SDR42E1: variants seen among roughly 807,000 people sequenced by gnomAD.
SDR42E1 encodes short chain dehydrogenase/reductase family 42E, member 1, also known as short-chain dehydrogenase/reductase family 42E member 1.
Under a neutral mutation model 2.6 loss-of-function variants are expected in SDR42E1, and 5 were observed. The ratio of observed to expected loss-of-function variants is 1.94; its 90% CI spans 1.01 to 4.08. The LOEUF (loss-of-function observed/expected upper bound fraction) is 4.08. Ranked by LOEUF, SDR42E1 falls within the 30% of genes most tolerant of loss-of-function variation. The pLI is 0.00. For missense variants in SDR42E1, 596 were observed against 478.6 expected (o/e 1.25, Z -2.29); for synonymous variants, 231 against 188.3 (o/e 1.23, Z -1.86).
intron 1 of SDR42E1, among the ~76,000 whole-genome samples, chr16:82,009,094 T>A (rs189682781): frequency 5.0e-4 from 76 of 152,180 alleles, no homozygotes; most frequent in African/African-American, 1.5e-3. Context: ...AGAACTGAGG[T>A]TTGGAAACCT....
intron 2 of SDR42E1, 144 bp from the exon 3 acceptor site, chr16:82,000,368 G>C: frequency 2.0e-6 from 2 of 998,718 alleles, no homozygotes; most frequent in Non-Finnish European, 3.1e-6. Context: ...ATGTTCCTTG[G>C]TGCAAGCCTC....
rs1415463755 is a variant in SDR42E1, at chr16:81,999,581, C to T, written c.712G>A (p.Ala238Thr). The T allele has an allele frequency of 5.6e-6, 9 of 1,614,086 alleles. No homozygotes were observed. The highest frequency in any genetic ancestry group is 1.7e-4 in the Middle Eastern group (1 of 6,028). Reference protein sequence around the residue: ...LVQAHILASEALRADKGHIAS... With the variant: ...LVQAHILASETLRADKGHIAS... ...ATATGGCCCTTGTCAGCTCTCAGGG[C>T]TTCTGAGGCCAGAATGTGAGCCTGC... The change falls in exon 3 of 3, where the codon GCC (alanine) becomes ACC (threonine). Residue 238 changes from alanine (A) to threonine (T), a missense_variant. Coordinates refer to ENST00000328945, the MANE Select transcript of SDR42E1 (RefSeq NM_145168.3).
intron 1 of SDR42E1, 135 bp from the exon 2 acceptor site, chr16:82,001,019 G>A (rs1327197312): frequency 3.5e-6 from 2 of 574,898 alleles, no homozygotes; most frequent in Non-Finnish European, 6.0e-6. Flanking sequence ...GGTCACAGCT[G>A]TGTCATTTAG....
At position 82,000,788 on chromosome 16, in the gene SDR42E1, T is replaced by C. The variant is rs758470949; in HGVS notation, c.68+3A>G. 16 of 1,608,052 alleles carry C rather than the reference T, an allele frequency of 9.9e-6. No homozygotes were observed. The highest frequency in any genetic ancestry group is 8.9e-5 in the East Asian group (4 of 44,846). ...CATGTGTATATTTTATAGATACACTTACCGAAAACCAAAATAGCCACTTCC... is the reference window on the plus strand; with the variant it reads ...CATGTGTATATTTTATAGATACACTCACCGAAAACCAAAATAGCCACTTCC... On this transcript the variant is annotated splice_donor_region_variant and intron_variant, in intron 2 of 2. Transcript: ENST00000328945.
At chr16:82,011,123 C>T (rs1372459976) in intron 1 of SDR42E1, among the ~76,000 whole-genome samples, 1 of 152,190 alleles carries the variant, frequency 6.6e-6, no homozygotes, top group Non-Finnish European at 1.5e-5. Context: ...AAGTTCGGAG[C>T]TTGGGGCCCC....
At chr16:82,000,345 C>A (rs1912716619) in intron 2 of SDR42E1, 121 bp from the exon 3 acceptor site, 1 of 1,240,014 alleles carries the variant, frequency 8.1e-7, no homozygotes, top group Non-Finnish European at 1.2e-6. Flanking sequence ...TCATCCTGAG[C>A]CCCTCACTAT....
In SDR42E1 at chr16:81,989,888, C is replaced by T. The variant is rs1912388622; in HGVS notation, c.*9223G>A. ...TGGCGGGCACCTGTAATCCCACCTA[C>T]TTGGGAGGCTGAGGCAGGAGAATTA... On this transcript the variant is annotated 3_prime_UTR_variant, in exon 3 of 3. Coordinates refer to ENST00000328945, the MANE Select transcript of SDR42E1 (RefSeq NM_145168.3). The T allele has an allele frequency of 6.6e-6, 1 of 152,272 alleles. No homozygotes were observed. Among genetic ancestry groups the T allele is most frequent in the Admixed American group, 6.5e-5 (1 of 15,282 alleles). The allele number at this position is 152,272 out of a possible 1,614,324, so 9.4% of individuals were successfully genotyped here.
At position 81,999,311 on chromosome 16, in the gene SDR42E1, C is replaced by G. The variant is rs766621451; in HGVS notation, c.982G>C (p.Glu328Gln). ...KTGVTHYFSL[E>Q]KAKKELGYKA... ...TAACCTAGCTCTTTCTTGGCTTTCTCTAAGCTAAAATAATGTGTGACACCA... is the reference window on the plus strand; with the variant it reads ...TAACCTAGCTCTTTCTTGGCTTTCTGTAAGCTAAAATAATGTGTGACACCA... Residue 328 changes from glutamate to glutamine, a missense_variant, in exon 3 of 3, where the codon GAG (glutamate) becomes CAG (glutamine). Coordinates refer to ENST00000328945, the MANE Select transcript of SDR42E1 (RefSeq NM_145168.3). The G allele has an allele frequency of 1.2e-6, 2 of 1,614,204 alleles. No individual in the cohort carries two copies. The highest frequency in any genetic ancestry group is 4.5e-5 in the East Asian group (2 of 44,888).
rs1479720116 is a variant in SDR42E1, at chr16:81,995,654, G to C, written c.*3457C>G. 6.6e-6 allele frequency: 1 copy of C among 152,206 alleles called. No individual in the cohort carries two copies. Among genetic ancestry groups the C allele is most frequent in the Non-Finnish European group, 1.5e-5 (1 of 68,036 alleles). The allele number at this position is 152,206 out of a possible 1,614,324, so 9.4% of individuals were successfully genotyped here. A position where few individuals can be genotyped will look rare whatever the true frequency, so the allele number is the denominator to read the frequency against. Reference sequence around the variant, plus strand: ...ATTTTCCCCAGTCTCCAAAAGATTAGAAACAGTGAGTTATCTGTGTGCTAG... The same window carrying C: ...ATTTTCCCCAGTCTCCAAAAGATTACAAACAGTGAGTTATCTGTGTGCTAG... On this transcript the variant is annotated 3_prime_UTR_variant, in exon 3 of 3. Transcript: ENST00000328945.
Position 81,995,610 on chromosome 16 carries a change from G to C in SDR42E1, c.*3501C>G, listed in dbSNP as rs1314207116. ...ATCTAATCTTGACTTAGTTACGACAGTTCTAGTGTAGGTTGGCTATTTTCC... is the reference window on the plus strand; with the variant it reads ...ATCTAATCTTGACTTAGTTACGACACTTCTAGTGTAGGTTGGCTATTTTCC... On this transcript the variant is annotated 3_prime_UTR_variant, in exon 3 of 3. Transcript: ENST00000328945. 6.6e-6 allele frequency: 1 copy of C among 152,208 alleles called. No individual in the cohort carries two copies. Among genetic ancestry groups the C allele is most frequent in the Non-Finnish European group, 1.5e-5 (1 of 68,058 alleles). The allele number at this position is 152,208 out of a possible 1,614,324, so 9.4% of individuals were successfully genotyped here. A position where few individuals can be genotyped will look rare whatever the true frequency, so the allele number is the denominator to read the frequency against.
At position 81,993,404 on chromosome 16, in the gene SDR42E1, T is replaced by C. The variant is rs1173438965; in HGVS notation, c.*5707A>G. 6.6e-6 allele frequency: 1 copy of C among 152,152 alleles called. No individual in the cohort carries two copies. The highest frequency in any genetic ancestry group is 2.4e-5 in the African/African-American group (1 of 41,426). The allele number at this position is 152,152 out of a possible 1,614,324, so 9.4% of individuals were successfully genotyped here. A position where few individuals can be genotyped will look rare whatever the true frequency, so the allele number is the denominator to read the frequency against. ...CAGGGAAGAGTCTGGAGTCTGTATA[T>C]CGAGGTAAAATAGATGTAAGGAGTT... is the stretch of plus-strand genomic sequence containing the variant. On this transcript the variant is annotated 3_prime_UTR_variant, in exon 3 of 3. Transcript: ENST00000328945.
chr16:81,999,771 G>A lies in SDR42E1; in HGVS notation c.522C>T (p.Gly174=), dbSNP rs377336713. The change falls in exon 3 of 3, where the codon GGC becomes GGT. Residue 174 remains glycine (G), a synonymous_variant. Transcript: ENST00000328945. ...LEANATPLDR[G]DGVLRTCALR... Reference sequence around the variant, plus strand: ...GAGCGCAGGTTCTTAAGACACCGTCGCCTCTGTCCAGGGGTGTAGCATTCG... The same window carrying A: ...GAGCGCAGGTTCTTAAGACACCGTCACCTCTGTCCAGGGGTGTAGCATTCG... 1.2e-5 allele frequency: 19 copies of A among 1,614,040 alleles called. No individual in the cohort carries two copies. The highest frequency in any genetic ancestry group is 4.4e-5 in the South Asian group (4 of 91,084).
At chr16:82,004,058 C>A (rs1025839254) in intron 1 of SDR42E1, among the ~76,000 whole-genome samples, 1 of 152,080 alleles carries the variant, frequency 6.6e-6, no homozygotes, top group African/African-American at 2.4e-5. Context: ...AGATACAAAC[C>A]CAAACGAGAC....
Position 81,992,562 on chromosome 16 carries a change from A to T in SDR42E1, c.*6549T>A, listed in dbSNP as rs1351498756. 1 of 152,208 alleles carries T rather than the reference A, an allele frequency of 6.6e-6. No individual in the cohort carries two copies. The highest frequency in any genetic ancestry group is 1.5e-5 in the Non-Finnish European group (1 of 68,032). The allele number at this position is 152,208 out of a possible 1,614,324, so 9.4% of individuals were successfully genotyped here. On this transcript the variant is annotated 3_prime_UTR_variant, in exon 3 of 3. Coordinates refer to ENST00000328945, the MANE Select transcript of SDR42E1 (RefSeq NM_145168.3). ...ACTCTTGGATCTGAAATATGGCTCC[A>T]CTGGGAGGCTAGAGCAAAAGATATG...
Position 81,994,966 on chromosome 16 carries a change from A to T in SDR42E1, c.*4145T>A, listed in dbSNP as rs968721915. 4 of 151,958 alleles carry T rather than the reference A, an allele frequency of 2.6e-5. No individual in the cohort carries two copies. The highest frequency in any genetic ancestry group is 9.7e-5 in the African/African-American group (4 of 41,342). 9.4% of individuals were successfully genotyped at this position (151,958 alleles called of 1,614,324 possible). A position where few individuals can be genotyped will look rare whatever the true frequency, so the allele number is the denominator to read the frequency against. ...ATTTGGTGCCAGAATGAGTTATTTG[A>T]CCCTCCACTAACTGTTACTGCTTGT... On this transcript the variant is annotated 3_prime_UTR_variant, in exon 3 of 3. Coordinates refer to ENST00000328945, the MANE Select transcript of SDR42E1 (RefSeq NM_145168.3).
At chr16:82,011,095 T>C (rs2143872520) in intron 1 of SDR42E1, among the ~76,000 whole-genome samples, 1 of 152,322 alleles carries the variant, frequency 6.6e-6, no homozygotes, top group South Asian at 2.1e-4. Flanking sequence ...GAATCAAGTA[T>C]AGCCAGCCAC....
intron 1 of SDR42E1, chr16:82,007,621 C>T (rs538631073): frequency 6.6e-6 from 1 of 152,238 alleles, no homozygotes; most frequent in African/African-American, 2.4e-5. Flanking sequence ...GAGCCCCTAC[C>T]TGAAGTGCTT....
intron 1 of SDR42E1, among the ~76,000 whole-genome samples, chr16:82,004,821 T>A (rs944965260): frequency 1.3e-5 from 2 of 152,206 alleles, no homozygotes; most frequent in African/African-American, 4.8e-5. Flanking sequence ...ACTAGCGGGT[T>A]ACCAGTGAGG....
At chr16:82,007,349 AAT>A (rs1356712798) in intron 1 of SDR42E1, among the ~76,000 whole-genome samples, 2 of 152,224 alleles carry the variant, frequency 1.3e-5, no homozygotes, top group Non-Finnish European at 2.9e-5. Flanking sequence ...TAATTGAAGT[AAT>A]ATCAACTGCC....
Sources: allele counts gnomAD v4.1 joint callset (sites outside exome capture counted in the v4.1 genomes callset), GRCh38; gene constraint gnomAD v4.1.1; transcripts MANE v1.5; gene names NCBI Gene and HGNC (gene_info 2026-07-23, HGNC 2026-07-21).